The following CLSTN2 variants were observed in gnomAD, a reference collection of about 807,000 sequenced individuals.
CLSTN2 encodes the protein calsyntenin-2.
In CLSTN2, 48 loss-of-function variants were observed where a neutral mutation model predicts 101.2. The observed-to-expected ratio is 0.47, with a 90% CI of 0.38 to 0.60. The LOEUF (loss-of-function observed/expected upper bound fraction) is 0.60, where lower values mean the gene tolerates loss of function less well. Ranked by LOEUF, CLSTN2 falls within the 20% of genes least tolerant of loss-of-function variation. The pLI, the probability that CLSTN2 is intolerant of heterozygous loss-of-function variation, is 0.00. For synonymous variants in CLSTN2, 481 were observed against 463.6 expected, an observed-to-expected ratio of 1.04 and a Z score of -0.48; for missense variants, 1,160 against 1,238.2, an observed-to-expected ratio of 0.94 and a Z score of 0.95.
chr3:140,125,492 G>T (rs2009415025), intron 1 of CLSTN2, among the ~76,000 whole-genome samples: 1 of 152,100 alleles, frequency 6.6e-6, no homozygotes, highest in Non-Finnish European at 1.5e-5. Flanking sequence ...TTGGAGACAG[G>T]AATATGAGGT....
chr3:139,952,570 G>A (rs1426309198), intron 1 of CLSTN2, among the ~76,000 whole-genome samples: 1 of 152,238 alleles, frequency 6.6e-6, no homozygotes, highest in Non-Finnish European at 1.5e-5. Context: ...GAAAGGTAAA[G>A]TCCTGTCAGT....
At chr3:140,502,703 G>A (rs55776797) in intron 8 of CLSTN2, among the ~76,000 whole-genome samples, 34,423 of 152,042 alleles carry the variant, frequency 0.23, 4,149 homozygotes, top group East Asian at 0.4. Context: ...CTGATTGGTC[G>A]GGAGAAGTGG....
At chr3:140,146,188 T>C (rs1275799508) in intron 1 of CLSTN2, among the ~76,000 whole-genome samples, 1 of 152,104 alleles carries the variant, frequency 6.6e-6, no homozygotes, top group East Asian at 1.9e-4. Flanking sequence ...TGAAAATAAA[T>C]AAAACTGGAA....
intron 4 of CLSTN2, among the ~76,000 whole-genome samples, chr3:140,407,388 G>A (rs1215654750): frequency 6.6e-6 from 1 of 152,032 alleles, no homozygotes; most frequent in Non-Finnish European, 1.5e-5. Context: ...GACACAATGT[G>A]GAGTCAACCT....
intron 2 of CLSTN2, among the ~76,000 whole-genome samples, chr3:140,356,130 T>C (rs2107946072): frequency 6.6e-6 from 1 of 152,266 alleles, no homozygotes; most frequent in South Asian, 2.1e-4. Flanking sequence ...GTTTTTCCCA[T>C]TGACTGTGAG....
At chr3:140,202,477 T>G (rs2010729880) in intron 2 of CLSTN2, among the ~76,000 whole-genome samples, 1 of 152,146 alleles carries the variant, frequency 6.6e-6, no homozygotes, top group African/African-American at 2.4e-5. Flanking sequence ...ATTGCTGAGT[T>G]GGAGGAAGGA....
intron 2 of CLSTN2, among the ~76,000 whole-genome samples, chr3:140,318,800 G>A (rs1227178900): frequency 1.3e-5 from 2 of 152,162 alleles, no homozygotes; most frequent in Non-Finnish European, 2.9e-5. Flanking sequence ...CTAAGCTTGT[G>A]CTAAATGTTG....
At chr3:140,345,400 C>T (rs1050541406) in intron 2 of CLSTN2, among the ~76,000 whole-genome samples, 4 of 151,892 alleles carry the variant, frequency 2.6e-5, no homozygotes, top group African/African-American at 9.7e-5. Flanking sequence ...AGGCGCCTGC[C>T]ACCATGCCCA....
At chr3:140,102,251 C>T (rs1051656637) in intron 1 of CLSTN2, among the ~76,000 whole-genome samples, 4 of 152,262 alleles carry the variant, frequency 2.6e-5, no homozygotes, top group South Asian at 2.1e-4. Context: ...TTCTCGAAGA[C>T]GGAGTTGTAG....
intron 2 of CLSTN2, among the ~76,000 whole-genome samples, chr3:140,246,093 A>G (rs950660947): frequency 5.3e-5 from 8 of 152,174 alleles, no homozygotes; most frequent in Non-Finnish European, 8.8e-5. Context: ...CTTGAAATTT[A>G]TTTTGCTTTT....
At chr3:140,349,156 C>T (rs931455918) in intron 2 of CLSTN2, among the ~76,000 whole-genome samples, 3 of 152,168 alleles carry the variant, frequency 2.0e-5, no homozygotes, top group Non-Finnish European at 4.4e-5. Context: ...TCTCTCCTGC[C>T]ATCATGTGAA....
chr3:140,378,615 A>G (rs2087945641), intron 2 of CLSTN2, among the ~76,000 whole-genome samples: 1 of 152,192 alleles, frequency 6.6e-6, no homozygotes, highest in Non-Finnish European at 1.5e-5. Flanking sequence ...CCTATTGTTC[A>G]TCTGAACTTG....
intron 4 of CLSTN2, among the ~76,000 whole-genome samples, chr3:140,405,349 T>C (rs1576550800): frequency 2.0e-5 from 3 of 152,200 alleles, no homozygotes. Flanking sequence ...TGCCTCAGCC[T>C]CCCGAGGAGC....
intron 8 of CLSTN2, among the ~76,000 whole-genome samples, chr3:140,470,130 G>C (rs966741850): frequency 6.6e-6 from 1 of 152,204 alleles, no homozygotes; most frequent in Non-Finnish European, 1.5e-5. Context: ...CATTTTATCT[G>C]TTCTAATGCC....
intron 1 of CLSTN2, among the ~76,000 whole-genome samples, chr3:139,976,556 T>C (rs530648053): frequency 1.3e-5 from 2 of 152,256 alleles, no homozygotes; most frequent in Admixed American, 1.3e-4. Flanking sequence ...GAGCCAGGAT[T>C]CAAATGGAAT....
intron 1 of CLSTN2, among the ~76,000 whole-genome samples, chr3:140,151,284 G>A (rs903251620): frequency 1.3e-5 from 2 of 152,064 alleles, no homozygotes; most frequent in Non-Finnish European, 2.9e-5. Context: ...TTTGACCTAT[G>A]GAGGAAGGTC....
intron 2 of CLSTN2, among the ~76,000 whole-genome samples, chr3:140,365,712 T>G: frequency 6.6e-6 from 1 of 151,744 alleles, no homozygotes; most frequent in Non-Finnish European, 1.5e-5. Flanking sequence ...TTTCTTCATT[T>G]GCTCACTCAG....
At chr3:140,239,987 T>C (rs1448849540) in intron 2 of CLSTN2, among the ~76,000 whole-genome samples, 2 of 150,568 alleles carry the variant, frequency 1.3e-5, no homozygotes, top group Non-Finnish European at 3.0e-5. Flanking sequence ...AATTTTGTCT[T>C]GTAGGATATC....
intron 2 of CLSTN2, among the ~76,000 whole-genome samples, chr3:140,202,829 C>T (rs943516120): frequency 3.3e-5 from 5 of 152,164 alleles, no homozygotes; most frequent in African/African-American, 1.2e-4. Context: ...GAGATGCCCA[C>T]CCAACAGGTC....
Sources: gnomAD v4.1 joint callset for allele counts (sites outside exome capture counted in the v4.1 genomes callset) on GRCh38, gnomAD v4.1.1 for gene constraint, MANE v1.5 for transcripts, NCBI Gene and HGNC (gene_info 2026-07-23, HGNC 2026-07-21) for gene names.